LMX1A: variants seen among roughly 807,000 people sequenced by gnomAD.
LMX1A encodes LIM homeobox transcription factor 1 alpha, also known as LIM homeobox transcription factor 1-alpha.
LMX1A carries 15 observed loss-of-function variants against 49.1 expected under a neutral mutation model. The ratio of observed to expected loss-of-function variants is 0.31; its 90% CI spans 0.20 to 0.47. LMX1A has a LOEUF of 0.47. Among genes scored for constraint, LMX1A ranks in the 20% least tolerant of loss-of-function variants. LMX1A has a pLI of 1.00. For synonymous variants in LMX1A, 167 were observed against 185.7 expected, an observed-to-expected ratio of 0.90 and a Z score of 0.82; for missense variants, 372 against 475.8, an observed-to-expected ratio of 0.78 and a Z score of 2.03.
At chr1:165,261,747 G>A (rs976982092) in intron 3 of LMX1A, among the ~76,000 whole-genome samples, 8 of 152,094 alleles carry the variant, frequency 5.3e-5, no homozygotes, top group Non-Finnish European at 1.0e-4. Context: ...AACATAATGA[G>A]GACATTATGA....
chr1:165,289,746 A>T (rs1356885833), intron 3 of LMX1A, among the ~76,000 whole-genome samples: 1 of 152,192 alleles, frequency 6.6e-6, no homozygotes, highest in African/African-American at 2.4e-5. Context: ...TTCATTATTC[A>T]TCTGGGAAAT....
intron 3 of LMX1A, among the ~76,000 whole-genome samples, chr1:165,296,116 C>T (rs576273669): frequency 6.6e-6 from 1 of 152,276 alleles, no homozygotes; most frequent in Non-Finnish European, 1.5e-5. Context: ...ACATATCTCC[C>T]CTCCTTCGTC....
At chr1:165,243,785 T>A (rs2102631849) in intron 4 of LMX1A, among the ~76,000 whole-genome samples, 2 of 152,344 alleles carry the variant, frequency 1.3e-5, no homozygotes, top group South Asian at 4.1e-4. Flanking sequence ...AGAATTGAAG[T>A]CAAGGGCTCC....
chr1:165,205,651 G>C (rs939777455), intron 8 of LMX1A, among the ~76,000 whole-genome samples: 1 of 152,176 alleles, frequency 6.6e-6, no homozygotes, highest in Non-Finnish European at 1.5e-5. Flanking sequence ...AAGAAGCTTT[G>C]AAAACAAGAT....
At chr1:165,310,916 C>A (rs1655059510) in intron 3 of LMX1A, among the ~76,000 whole-genome samples, 1 of 152,170 alleles carries the variant, frequency 6.6e-6, no homozygotes, top group Admixed American at 6.5e-5. Context: ...TGTGATCATC[C>A]ACAGGACAAT....
intron 3 of LMX1A, among the ~76,000 whole-genome samples, chr1:165,349,642 A>G (rs1164966969): frequency 6.6e-6 from 1 of 152,162 alleles, no homozygotes; most frequent in Non-Finnish European, 1.5e-5. Flanking sequence ...ATCAGAAGAT[A>G]AATTATTCCT....
intron 4 of LMX1A, among the ~76,000 whole-genome samples, chr1:165,247,423 T>A (rs1444926770): frequency 6.6e-6 from 1 of 152,132 alleles, no homozygotes; most frequent in African/African-American, 2.4e-5. Flanking sequence ...AATTGGCCTT[T>A]CTATACCAAG....
At chr1:165,277,392 C>T (rs891576682) in intron 3 of LMX1A, among the ~76,000 whole-genome samples, 1 of 152,212 alleles carries the variant, frequency 6.6e-6, no homozygotes, top group African/African-American at 2.4e-5. Flanking sequence ...CCAAATCCCC[C>T]CCTTGGGAAG....
chr1:165,210,706 C>T lies in LMX1A; in HGVS notation c.740G>A (p.Arg247Lys). Reference protein sequence around the residue: ...RVVQVWFQNQRAKMKKLARRQ... With the variant: ...RVVQVWFQNQKAKMKKLARRQ... ...AAGTAAGAAGCAGGTTACCTTCGCTCTCTGGTTTTGGAACCACACCTGGAC... is the reference window on the plus strand; with the variant it reads ...AAGTAAGAAGCAGGTTACCTTCGCTTTCTGGTTTTGGAACCACACCTGGAC... Residue 247 changes from arginine (R) to lysine (K), a missense_variant, in exon 6 of 9, where the codon AGA (arginine) becomes AAA (lysine). By Grantham distance (26) the Arg-to-Lys change is conservative. Coordinates refer to ENST00000342310, the MANE Select transcript of LMX1A (RefSeq NM_177398.4). The T allele has an allele frequency of 1.2e-6, 2 of 1,613,248 alleles. No individual in the cohort carries two copies. The highest frequency in any genetic ancestry group is 1.1e-5 in the South Asian group (1 of 91,018).
chr1:165,344,941 T>A (rs185653982), intron 3 of LMX1A, among the ~76,000 whole-genome samples: 48 of 152,330 alleles, frequency 3.2e-4, no homozygotes, highest in Non-Finnish European at 6.3e-4. Context: ...CAGCTCCGAC[T>A]CAGGCTCAGG....
intron 4 of LMX1A, chr1:165,215,921 T>C (rs916347923): frequency 1.3e-5 from 2 of 151,994 alleles, no homozygotes; most frequent in African/African-American, 2.4e-5. Context: ...AGAAGTAGAG[T>C]TGTTGTGTGT....
chr1:165,229,382 C>A (rs1291547229), intron 4 of LMX1A, among the ~76,000 whole-genome samples: 1 of 152,148 alleles, frequency 6.6e-6, no homozygotes, highest in Non-Finnish European at 1.5e-5. Flanking sequence ...AGATGGCCCC[C>A]CCGTCACTTC....
At position 165,269,893 on chromosome 1, in the gene LMX1A, G is replaced by A. The variant is rs182918288; in HGVS notation, c.264-20253C>T. 2.6e-3 allele frequency among the ~76,000 whole-genome samples: 401 copies of A among 152,142 alleles called. 1 individual carries two copies. Among genetic ancestry groups the A allele is most frequent in the African/African-American group, 8.9e-3 (369 of 41,512 alleles). ...GAACAACACTTACTGGGGCCTGTGC[G>A]GGGAGAGTTGGTGAGGGAGAGCATT... On this transcript the variant is annotated intron_variant, in intron 3 of 8. Coordinates refer to ENST00000342310, the MANE Select transcript of LMX1A (RefSeq NM_177398.4).
intron 4 of LMX1A, among the ~76,000 whole-genome samples, chr1:165,225,018 A>G (rs1447210130): frequency 1.3e-5 from 2 of 152,226 alleles, no homozygotes; most frequent in East Asian, 1.9e-4. Context: ...CTAATTAGGG[A>G]TGGAGAGAAG....
chr1:165,321,356 A>C (rs749472740), intron 3 of LMX1A, among the ~76,000 whole-genome samples: 1 of 152,164 alleles, frequency 6.6e-6, no homozygotes, highest in Non-Finnish European at 1.5e-5. Flanking sequence ...GAACATACTA[A>C]AAAACCACTG....
At chr1:165,245,208 A>C (rs1652798864) in intron 4 of LMX1A, among the ~76,000 whole-genome samples, 1 of 152,106 alleles carries the variant, frequency 6.6e-6, no homozygotes, top group Non-Finnish European at 1.5e-5. Context: ...GGTAATGAGC[A>C]CAGTACCCAA....
intron 3 of LMX1A, among the ~76,000 whole-genome samples, chr1:165,277,336 A>C (rs1349517091): frequency 6.6e-6 from 1 of 152,180 alleles, no homozygotes; most frequent in African/African-American, 2.4e-5. Flanking sequence ...CCCACTCTCC[A>C]CCAGGGCTCA....
At chr1:165,219,178 A>T (rs75542358) in intron 4 of LMX1A, 1 of 152,262 alleles carries the variant, frequency 6.6e-6, no homozygotes, top group African/African-American at 2.4e-5. Context: ...AGACCCAGCC[A>T]TGGTTTATGG....
intron 3 of LMX1A, among the ~76,000 whole-genome samples, chr1:165,264,970 G>A (rs948244716): frequency 1.3e-5 from 2 of 152,036 alleles, no homozygotes; most frequent in African/African-American, 4.8e-5. Context: ...TTGGGAGGCC[G>A]AGGCAGGCAG....
Sources: allele counts gnomAD v4.1 joint callset (sites outside exome capture counted in the v4.1 genomes callset), GRCh38; gene constraint gnomAD v4.1.1; transcripts MANE v1.5; gene names NCBI Gene and HGNC (gene_info 2026-07-23, HGNC 2026-07-21).